The following TMEM135 variants were observed in gnomAD, a reference collection of about 807,000 sequenced individuals.
TMEM135 encodes the protein peroxisomal membrane protein 52.
A neutral mutation model predicts 60.3 loss-of-function variants in TMEM135; 30 were observed. That is an observed-to-expected ratio of 0.50 (90% CI 0.37 to 0.68). The LOEUF (loss-of-function observed/expected upper bound fraction) is 0.68. TMEM135 is among the 30% of genes least tolerant of loss of function. The pLI is 0.00. For missense variants in TMEM135, 468 were observed against 548.8 expected (o/e 0.85, Z 1.47); for synonymous variants, 190 against 186.7 (o/e 1.02, Z -0.14).
chr11:87,315,338 A>G (rs10792940), intron 12 of TMEM135, among the ~76,000 whole-genome samples: 97,164 of 151,678 alleles, frequency 0.64, 31,548 homozygotes, highest in South Asian at 0.69. Flanking sequence ...AGATCTTGAG[A>G]CCTAAGCAAA....
chr11:87,294,964 A>C (rs901013181), intron 6 of TMEM135, among the ~76,000 whole-genome samples: 20 of 152,050 alleles, frequency 1.3e-4, no homozygotes, highest in Admixed American at 9.2e-4. Flanking sequence ...TTTCAGGAGG[A>C]TATATAAGAA....
intron 6 of TMEM135, among the ~76,000 whole-genome samples, chr11:87,290,524 A>C (rs995739221): frequency 6.6e-6 from 1 of 152,178 alleles, no homozygotes; most frequent in African/African-American, 2.4e-5. Flanking sequence ...AAAGATGACT[A>C]TCTCATGAAA....
At chr11:87,171,985 T>G (rs183239157) in intron 5 of TMEM135, among the ~76,000 whole-genome samples, 2 of 152,264 alleles carry the variant, frequency 1.3e-5, no homozygotes, top group Admixed American at 1.3e-4. Context: ...CCTCCTGTTG[T>G]GCGGCCTGGT....
intron 5 of TMEM135, among the ~76,000 whole-genome samples, chr11:87,184,748 A>G (rs948338249): frequency 6.6e-6 from 1 of 152,116 alleles, no homozygotes; most frequent in African/African-American, 2.4e-5. Flanking sequence ...CTTCTAGCAC[A>G]ATGCCTGGAA....
intron 6 of TMEM135, among the ~76,000 whole-genome samples, chr11:87,246,546 C>T (rs1039284280): frequency 1.3e-5 from 2 of 152,082 alleles, no homozygotes; most frequent in African/African-American, 2.4e-5. Context: ...AGGCTTTGTT[C>T]GTTTCTTTGT....
intron 1 of TMEM135, among the ~76,000 whole-genome samples, chr11:87,060,179 A>G (rs903845562): frequency 3.9e-5 from 6 of 152,186 alleles, no homozygotes; most frequent in Admixed American, 3.9e-4. Context: ...AGTTAATTGC[A>G]CAGCTGGTTG....
At chr11:87,106,869 A>G (rs1356488360) in intron 4 of TMEM135, among the ~76,000 whole-genome samples, 2 of 152,222 alleles carry the variant, frequency 1.3e-5, no homozygotes, top group Admixed American at 6.5e-5. Context: ...TAGTCCTGGC[A>G]TCAGCTTCTG....
chr11:87,305,891 A>G, intron 8 of TMEM135, 45 bp from the exon 9 acceptor site: 1 of 1,474,258 alleles, frequency 6.8e-7, no homozygotes, highest in Non-Finnish European at 9.4e-7. Flanking sequence ...ATGGATATAC[A>G]CACTTTAATT....
chr11:87,323,370 T>G lies in TMEM135; in HGVS notation c.*2037T>G. The stretch of plus-strand genomic sequence containing the variant: ...ATTGAGAAGTCCAGTTTGATTTCAT[T>G]GGGACAGACTGCAAAGTGTAGTTGT... On this transcript the variant is annotated 3_prime_UTR_variant, in exon 15 of 15. Transcript: ENST00000305494. 2.2e-6 allele frequency: 1 copy of G among 454,016 alleles called. No homozygotes were observed. Among genetic ancestry groups the G allele is most frequent in the Non-Finnish European group, 4.4e-6 (1 of 226,738 alleles). 28.1% of individuals were successfully genotyped at this position (454,016 alleles called of 1,614,324 possible).
chr11:87,141,606 G>A (rs10898610), intron 4 of TMEM135, among the ~76,000 whole-genome samples: 14,416 of 151,840 alleles, frequency 0.095, 787 homozygotes, highest in East Asian at 0.18. Context: ...TAGAGCATCC[G>A]GAAAAATAGC....
rs898558917 is a variant in TMEM135, at chr11:87,161,563, G to A, written c.462+4157G>A. Among the ~76,000 whole-genome samples, 5 of 152,120 alleles carry A rather than the reference G, an allele frequency of 3.3e-5. No individual in the cohort carries two copies. In the South Asian group the frequency reaches 6.2e-4, roughly 19 times the overall value. ...AAAGTTTAACAATTCTTTACCATAGGAAGGCAGGATTTCAAACCCTGCTTC... is the reference window on the plus strand; with the variant it reads ...AAAGTTTAACAATTCTTTACCATAGAAAGGCAGGATTTCAAACCCTGCTTC... On this transcript the variant is annotated intron_variant, in intron 5 of 14. Coordinates refer to ENST00000305494, the MANE Select transcript of TMEM135 (RefSeq NM_022918.4).
chr11:87,252,279 G>A (rs1056181863), intron 6 of TMEM135, among the ~76,000 whole-genome samples: 2 of 151,958 alleles, frequency 1.3e-5, no homozygotes, highest in Non-Finnish European at 2.9e-5. Flanking sequence ...GGTCCATAAT[G>A]TCAACATTTA....
chr11:87,237,223 C>T (rs1273685066), intron 6 of TMEM135, among the ~76,000 whole-genome samples: 2 of 151,826 alleles, frequency 1.3e-5, no homozygotes, highest in East Asian at 3.9e-4. Flanking sequence ...TAGGATGGCC[C>T]AAGATTTAAA....
Position 87,124,618 on chromosome 11 carries a change from A to G in TMEM135, c.397-32723A>G, listed in dbSNP as rs560827703. On this transcript the variant is annotated intron_variant, in intron 4 of 14. Coordinates refer to ENST00000305494, the MANE Select transcript of TMEM135 (RefSeq NM_022918.4). ...TAAAGGGTCGTGTGGAATAATCTTC[A>G]TTTAATACGTATGTGTTGATATATC... is the stretch of plus-strand genomic sequence containing the variant. Among the ~76,000 whole-genome samples, 25 of 152,254 alleles carry G rather than the reference A, an allele frequency of 1.6e-4. 1 individual carries two copies. The South Asian group carries it at 5.0e-3, about 30-fold the overall frequency.
At chr11:87,187,516 T>A (rs1354668892) in intron 5 of TMEM135, among the ~76,000 whole-genome samples, 2 of 152,222 alleles carry the variant, frequency 1.3e-5, no homozygotes, top group Non-Finnish European at 2.9e-5. Flanking sequence ...TGACCTTAAC[T>A]GTCATGGATC....
chr11:87,168,445 G>T (rs924771828), intron 5 of TMEM135, among the ~76,000 whole-genome samples: 2 of 152,066 alleles, frequency 1.3e-5, no homozygotes, highest in African/African-American at 2.4e-5. Context: ...GGCATTTGGT[G>T]CTATAAATTT....
chr11:87,103,003 A>G (rs1172864352), intron 4 of TMEM135, among the ~76,000 whole-genome samples: 1 of 152,080 alleles, frequency 6.6e-6, no homozygotes, highest in Non-Finnish European at 1.5e-5. Context: ...CTTTCATAAG[A>G]TTCCACATAT....
At chr11:87,285,886 G>A (rs190476397) in intron 6 of TMEM135, among the ~76,000 whole-genome samples, 11 of 152,204 alleles carry the variant, frequency 7.2e-5, no homozygotes, top group South Asian at 2.1e-4. Flanking sequence ...TGATTGGTCC[G>A]TTTTGACAGG....
rs1941970205 is a variant in TMEM135, at chr11:87,276,564, G to C, written c.510-19218G>C. ...TAAGTTTATATAAGAGTGTTTGTGT[G>C]TGTGTGTGTGTGTGTATTCACTGGG... is the stretch of plus-strand genomic sequence containing the variant. On this transcript the variant is annotated intron_variant, in intron 6 of 14. Coordinates refer to ENST00000305494, the MANE Select transcript of TMEM135 (RefSeq NM_022918.4). 3.3e-5 allele frequency among the ~76,000 whole-genome samples: 5 copies of C among 151,410 alleles called. No individual in the cohort carries two copies. In the South Asian group the frequency reaches 1.0e-3, roughly 32 times the overall value.
Sources: allele counts gnomAD v4.1 joint callset (sites outside exome capture counted in the v4.1 genomes callset), GRCh38; gene constraint gnomAD v4.1.1; transcripts MANE v1.5; gene names NCBI Gene and HGNC (gene_info 2026-07-23, HGNC 2026-07-21).